Variants in ANKRD36 observed in about 807,000 individuals in gnomAD.
The protein encoded by ANKRD36 is ankyrin repeat domain-containing protein 36A.
ANKRD36 carries 179 observed loss-of-function variants against 278.1 expected under a neutral mutation model. The observed-to-expected ratio is 0.64, with a 90% CI of 0.57 to 0.73. ANKRD36 has a LOEUF of 0.73. ANKRD36 is among the 30% of genes least tolerant of loss of function. The pLI is 0.00. For synonymous variants in ANKRD36, 320 were observed against 641.1 expected, an observed-to-expected ratio of 0.50 and a Z score of 7.57; for missense variants, 1,159 against 1,956.7, an observed-to-expected ratio of 0.59 and a Z score of 7.69.
At chr2:97,120,917 C>G (rs575011904) in intron 3 of ANKRD36, among the ~76,000 whole-genome samples, 1 of 151,972 alleles carries the variant, frequency 6.6e-6, no homozygotes, top group African/African-American at 2.4e-5. Flanking sequence ...ATCTGGTGTC[C>G]CTTGAGCCTA....
chr2:97,208,041 T>G (rs1413075228), intron 54 of ANKRD36, 35 bp downstream of exon 54: 2 of 1,480,870 alleles, frequency 1.4e-6, no homozygotes, highest in South Asian at 2.5e-5. Context: ...TCATGTTCAG[T>G]GCAGATAGAT....
chr2:97,173,459 C>T (rs1196127713), intron 22 of ANKRD36, among the ~76,000 whole-genome samples: 1 of 151,794 alleles, frequency 6.6e-6, no homozygotes, highest in Non-Finnish European at 1.5e-5. Context: ...CATGGGGCTG[C>T]TTTTGTGAAG....
rs1284936260 is a variant in ANKRD36, at chr2:97,164,396, G to C, written c.1459-1G>C. ...ATCATTATGTTGTCAAACCCATTCA[G>C]CATACGGTGAAAGACAGAGATCACA... is the stretch of plus-strand genomic sequence containing the variant. On this transcript the variant is annotated splice_acceptor_variant, in intron 19 of 75. Coordinates refer to ENST00000420699, the MANE Select transcript of ANKRD36 (RefSeq NM_001354587.1). LOFTEE classifies it high-confidence loss of function. The C allele has an allele frequency of 6.5e-7, 1 of 1,537,660 alleles. No homozygotes were observed. The highest frequency in any genetic ancestry group is 2.4e-5 in the East Asian group (1 of 40,910).
chr2:97,183,318 C>T (rs575146970), intron 26 of ANKRD36, 141 bp from the exon 27 acceptor site: 1 of 1,150,378 alleles, frequency 8.7e-7, no homozygotes, highest in African/African-American at 1.6e-5. Flanking sequence ...ATGTTCCCGT[C>T]CCAAAGACAC....
chr2:97,215,579 C>T, intron 62 of ANKRD36, 82 bp downstream of exon 62: 1 of 1,581,420 alleles, frequency 6.3e-7, no homozygotes, highest in Non-Finnish European at 8.6e-7. Flanking sequence ...GCGGGGGGTT[C>T]ATTGAAGTTT....
chr2:97,220,126 GTGTTTA>G (rs2067013791), intron 66 of ANKRD36, among the ~76,000 whole-genome samples: 2 of 141,166 alleles, frequency 1.4e-5, no homozygotes, highest in East Asian at 2.2e-4. Flanking sequence ...TAAATTGTAG[GTGTTTA>G]TGTTTATGGA....
At chr2:97,227,321 C>T (rs1475310554) in intron 67 of ANKRD36, among the ~76,000 whole-genome samples, 1 of 152,108 alleles carries the variant, frequency 6.6e-6, no homozygotes, top group Non-Finnish European at 1.5e-5. Flanking sequence ...ATTTGTAGTT[C>T]TCCTTGAAGA....
intron 22 of ANKRD36, among the ~76,000 whole-genome samples, chr2:97,174,950 C>G (rs2053792460): frequency 6.9e-6 from 1 of 144,680 alleles, no homozygotes; most frequent in Non-Finnish European, 1.5e-5. Context: ...ATATATTGAA[C>G]CAGCCTTGCA....
chr2:97,256,387 T>C (rs2076220509), intron 75 of ANKRD36, among the ~76,000 whole-genome samples: 1 of 152,140 alleles, frequency 6.6e-6, no homozygotes, highest in Non-Finnish European at 1.5e-5. Flanking sequence ...TCAATTTCCT[T>C]ATTATTTATT....
intron 75 of ANKRD36, among the ~76,000 whole-genome samples, chr2:97,260,442 A>T (rs1457540404): frequency 1.4e-5 from 2 of 139,472 alleles, no homozygotes; most frequent in Non-Finnish European, 3.0e-5. Flanking sequence ...ACACACACAC[A>T]CACGTTTTCT....
chr2:97,185,552 T>G, intron 30 of ANKRD36, 42 bp downstream of exon 30: 1 of 1,590,596 alleles, frequency 6.3e-7, no homozygotes, highest in South Asian at 1.1e-5. Flanking sequence ...TCAGTCCAGA[T>G]AGAAAAGAAC....
rs573223450 is a variant in ANKRD36, at chr2:97,226,087, G to A, written c.3951+1208G>A. On this transcript the variant is annotated intron_variant, in intron 67 of 75. Transcript: ENST00000420699. ...TGTGAATAGTGCCGCAAAAACATAT[G>A]TGTGCATGTGTCTTTATAGCAGCAT... is the stretch of plus-strand genomic sequence containing the variant. 7.9e-5 allele frequency among the ~76,000 whole-genome samples: 12 copies of A among 151,770 alleles called. No homozygotes were observed. The South Asian group carries it at 8.5e-4, about 11-fold the overall frequency.
intron 45 of ANKRD36, 37 bp downstream of exon 45, chr2:97,200,399 C>T (rs567414776): frequency 2.7e-5 from 43 of 1,603,588 alleles, no homozygotes; most frequent in South Asian, 2.5e-4. Flanking sequence ...AGCTAGTAAA[C>T]GTATAGCCTA....
intron 1 of ANKRD36, among the ~76,000 whole-genome samples, chr2:97,117,250 T>C (rs947697286): frequency 4.0e-5 from 6 of 151,358 alleles, no homozygotes; most frequent in African/African-American, 1.5e-4. Context: ...TTTGGATTAT[T>C]TTTTTTTTTA....
intron 15 of ANKRD36, 72 bp from the exon 16 acceptor site, chr2:97,158,035 A>T: frequency 3.2e-6 from 4 of 1,249,594 alleles, no homozygotes; most frequent in Middle Eastern, 1.9e-4. Context: ...GTGTTAGATC[A>T]TGTAGTAATG....
chr2:97,113,473 C>T lies in ANKRD36; in HGVS notation c.-267C>T. The T allele has an allele frequency of 2.0e-6, 1 of 504,792 alleles. No individual in the cohort carries two copies. Among genetic ancestry groups the T allele is most frequent in the South Asian group, 2.5e-5 (1 of 39,482 alleles). 31.3% of individuals were successfully genotyped at this position (504,792 alleles called of 1,614,324 possible). ...GGAGCCCCGCCCTCCCGCGGCACCT[C>T]CGCAGCAACCGCCGCCTGCACTGGG... is the stretch of plus-strand genomic sequence containing the variant. On this transcript the variant is annotated 5_prime_UTR_variant, in exon 1 of 76. Coordinates refer to ENST00000420699, the MANE Select transcript of ANKRD36 (RefSeq NM_001354587.1).
chr2:97,211,460 A>T lies in ANKRD36; in HGVS notation c.3368-86A>T. The T allele has an allele frequency of 1.9e-6, 3 of 1,554,516 alleles. 1 individual carries two copies. In the South Asian group the frequency reaches 3.5e-5, roughly 18 times the overall value. ...CCTACACTAATACAGGCTGGGGGAC[A>T]GAGTTTGATGCTAACACTGTATGAA... On this transcript the variant is annotated intron_variant, in intron 56 of 75. Transcript: ENST00000420699.
At chr2:97,225,117 T>C (rs1259489847) in intron 67 of ANKRD36, among the ~76,000 whole-genome samples, 2 of 151,918 alleles carry the variant, frequency 1.3e-5, no homozygotes, top group Non-Finnish European at 2.9e-5. Flanking sequence ...CCTGATATTG[T>C]TTGCACTTCT....
chr2:97,200,208 T>C, intron 44 of ANKRD36, 126 bp from the exon 45 acceptor site: 1 of 1,561,178 alleles, frequency 6.4e-7, no homozygotes, highest in Non-Finnish European at 8.7e-7. Flanking sequence ...AGACACAAAG[T>C]AGAAGCCATC....
Sources: gnomAD v4.1 joint callset for allele counts (sites outside exome capture counted in the v4.1 genomes callset) on GRCh38, gnomAD v4.1.1 for gene constraint, MANE v1.5 for transcripts, NCBI Gene and HGNC (gene_info 2026-07-23, HGNC 2026-07-21) for gene names.